C5: variants seen among roughly 807,000 people sequenced by gnomAD.
The protein encoded by C5 is complement C5.
In C5, 140 loss-of-function variants were observed where a neutral mutation model predicts 218.8. That is an observed-to-expected ratio of 0.64 (90% confidence interval 0.56 to 0.74). The LOEUF (loss-of-function observed/expected upper bound fraction) is 0.74. C5 is among the 30% of genes least tolerant of loss of function. The probability of loss-of-function intolerance (pLI) is 0.00; values close to 1 mark genes in which losing one functional copy is unlikely to be tolerated. For missense variants in C5, 1,700 were observed against 1,969.6 expected (o/e 0.86, Z 2.59); for synonymous variants, 614 against 682.3 (o/e 0.90, Z 1.56).
chr9:120,976,958 A>AT, intron 28 of C5, 53 bp from the exon 29 acceptor site: 1 of 1,485,110 alleles, frequency 6.7e-7, no homozygotes, highest in Non-Finnish European at 9.4e-7. Flanking sequence ...TGAATTTGAC[A>AT]TAATAATTCT....
chr9:120,970,129 A>AT (rs772271040), intron 32 of C5, 41 bp downstream of exon 32: 2 of 1,402,834 alleles, frequency 1.4e-6, no homozygotes, highest in African/African-American at 2.8e-5. Flanking sequence ...CACATGCTTT[A>AT]TTTTTAGCCA....
intron 2 of C5, among the ~76,000 whole-genome samples, chr9:121,045,175 T>C (rs1005775422): frequency 1.3e-5 from 2 of 152,138 alleles, no homozygotes; most frequent in African/African-American, 4.8e-5. Flanking sequence ...TGTTAAGAGA[T>C]ATGAGCATTT....
chr9:120,989,218 G>C, intron 24 of C5, 97 bp from the exon 25 acceptor site: 1 of 947,874 alleles, frequency 1.1e-6, no homozygotes, highest in Admixed American at 1.8e-5. Flanking sequence ...GCTTCCTTTG[G>C]TGTTGGGCAG....
intron 1 of C5, among the ~76,000 whole-genome samples, chr9:121,049,301 T>G (rs1287706244): frequency 6.6e-6 from 1 of 152,166 alleles, no homozygotes; most frequent in Non-Finnish European, 1.5e-5. Flanking sequence ...CAATTTGAAG[T>G]CACTTAATTT....
rs10985110 is a variant in C5 at position 120,967,723 on chromosome 9, C to T, written c.4220+1338G>A. Reference sequence around the variant, plus strand: ...AATACCTACATATTCTTTTCTTTTTCTTTTTTTTTTTATTTGGAGACAAGG... The same window carrying T: ...AATACCTACATATTCTTTTCTTTTTTTTTTTTTTTTTATTTGGAGACAAGG... On this transcript the variant is annotated intron_variant, in intron 33 of 40. Coordinates refer to ENST00000223642, the MANE Select transcript of C5 (RefSeq NM_001735.3). Among the ~76,000 whole-genome samples, 13 of 145,240 alleles carry T rather than the reference C, an allele frequency of 9.0e-5. No individual in the cohort carries two copies. In the South Asian group the frequency reaches 2.6e-3, roughly 29 times the overall value.
chr9:121,029,727 G>T (rs4837807), intron 7 of C5, among the ~76,000 whole-genome samples: 78,487 of 152,030 alleles, frequency 0.52, 22,598 homozygotes, highest in South Asian at 0.8. Flanking sequence ...TTGGACAAAA[G>T]AATGTGTGGA....
rs201361366 is a variant in C5 at position 120,965,521 on chromosome 9, A to AAAATAAAT, written c.4221-1791_4221-1784dup. Reference sequence around the variant, plus strand: ...GGCAACTGAGCAAGACTCTGCCTCAAAAATAAATAAATAAATAAATAAATA... The same window carrying AAAATAAAT: ...GGCAACTGAGCAAGACTCTGCCTCAAAAATAAATAAATAAATAAATAAATAAATAAATA... On this transcript the variant is annotated intron_variant, in intron 33 of 40. Coordinates refer to ENST00000223642, the MANE Select transcript of C5 (RefSeq NM_001735.3). 5.9e-3 allele frequency among the ~76,000 whole-genome samples: 872 copies of AAAATAAAT among 147,092 alleles called. 4 individuals are homozygous for AAAATAAAT. Among genetic ancestry groups the AAAATAAAT allele is most frequent in the Middle Eastern group, 0.017 (5 of 294 alleles).
At chr9:121,007,166 A>G (rs1308625913) in intron 18 of C5, among the ~76,000 whole-genome samples, 189 bp from the exon 19 acceptor site, 1 of 152,236 alleles carries the variant, frequency 6.6e-6, no homozygotes, top group Non-Finnish European at 1.5e-5. Flanking sequence ...TATATATTGC[A>G]TGTTTTTAGA....
In C5 at chr9:120,971,972, G is replaced by T. The variant is rs2046917811; in HGVS notation, c.4038C>A (p.Leu1346=). Residue 1346 remains leucine, a synonymous_variant, in exon 31 of 41, where the codon CTC becomes CTA. Transcript: ENST00000223642. ...CACTGCCAAATCCTGTACTGACAATGAGGTCATCATTGAGAAGCACCTGGA... is the reference window on the plus strand; with the variant it reads ...CACTGCCAAATCCTGTACTGACAATTAGGTCATCATTGAGAAGCACCTGGA... The part of the protein sequence containing the change: ...RPVEVLLNDD[L]IVSTGFGSGL... The T allele has an allele frequency of 2.5e-6, 4 of 1,613,210 alleles. No homozygotes were observed. Among genetic ancestry groups the T allele is most frequent in the Non-Finnish European group, 3.4e-6 (4 of 1,179,484 alleles).
chr9:120,981,643 C>T (rs41311911), intron 27 of C5, among the ~76,000 whole-genome samples: 14,581 of 152,200 alleles, frequency 0.096, 776 homozygotes, highest in African/African-American at 0.14. Context: ...TTCTCAACTG[C>T]CGATGAGTAG....
chr9:120,981,805 A>G, intron 27 of C5, 39 bp downstream of exon 27: 1 of 1,386,680 alleles, frequency 7.2e-7, no homozygotes. Flanking sequence ...TAGTACAGAA[A>G]TAGATGATGG....
chr9:121,072,369 C>A, the C5 span, among the ~76,000 whole-genome samples: 2 of 152,172 alleles, frequency 1.3e-5, no homozygotes, highest in African/African-American at 4.8e-5. Flanking sequence ...TTGAGGGACA[C>A]AGCAATGAGG....
rs1042273086 is a variant in C5 at position 120,952,414 on chromosome 9, A to G, written c.*325T>C. The G allele has an allele frequency of 1.6e-5, 5 of 321,736 alleles. No homozygotes were observed. The East Asian group carries it at 3.9e-4, about 25-fold the overall frequency. The allele number at this position is 321,736 out of a possible 1,614,324, so 19.9% of individuals were successfully genotyped here. ...TTCAAGCAAAGGCCATGTTTTTGTAATACTCCCTTTCAATGGACTGTTCTT... is the reference window on the plus strand; with the variant it reads ...TTCAAGCAAAGGCCATGTTTTTGTAGTACTCCCTTTCAATGGACTGTTCTT... On this transcript the variant is annotated 3_prime_UTR_variant, in exon 41 of 41. Transcript: ENST00000223642.
intron 20 of C5, among the ~76,000 whole-genome samples, chr9:121,005,314 A>T (rs142633944): frequency 1.3e-3 from 196 of 152,294 alleles, no homozygotes; most frequent in Non-Finnish European, 2.2e-3. Flanking sequence ...GGTTTTAATG[A>T]TGGCTGGTGA....
chr9:121,064,515 A>G, the C5 span, among the ~76,000 whole-genome samples: 13 of 152,334 alleles, frequency 8.5e-5, no homozygotes, highest in African/African-American at 3.1e-4. Context: ...CATATGTGAT[A>G]GAATCTGATA....
At chr9:121,019,242 C>G (rs976520389) in intron 12 of C5, among the ~76,000 whole-genome samples, 2 of 152,138 alleles carry the variant, frequency 1.3e-5, no homozygotes, top group South Asian at 2.1e-4. Context: ...AGTCCATAAA[C>G]AGTTTCCCTT....
chr9:121,023,314 ACATT>A, intron 10 of C5, 86 bp downstream of exon 10: 1 of 857,388 alleles, frequency 1.2e-6, no homozygotes, highest in Non-Finnish European at 2.0e-6. Flanking sequence ...CTTCATGGCA[ACATT>A]CTTACCCTGT....
In C5 at chr9:121,050,179, T is replaced by G. The variant is rs748689283; in HGVS notation, c.65+3A>C. ...AAAAATGAAGATAGCTTGTTTTACT[T>G]ACGTTTGCTCCTGTCCCCAGGTTTT... On this transcript the variant is annotated splice_donor_region_variant and intron_variant, in intron 1 of 40. Coordinates refer to ENST00000223642, the MANE Select transcript of C5 (RefSeq NM_001735.3). 6.2e-7 allele frequency: 1 copy of G among 1,608,730 alleles called. No individual in the cohort carries two copies. Among genetic ancestry groups the G allele is most frequent in the East Asian group, 2.2e-5 (1 of 44,838 alleles).
chr9:121,074,574 G>GGGGGAGGCC, the C5 span, among the ~76,000 whole-genome samples: 1 of 152,220 alleles, frequency 6.6e-6, no homozygotes, highest in African/African-American at 2.4e-5. Context: ...CATCAGAAGT[G>GGGGGAGGCC]GGGGAGGCCG....
Sources: gnomAD v4.1 joint callset for allele counts (sites outside exome capture counted in the v4.1 genomes callset) on GRCh38, gnomAD v4.1.1 for gene constraint, MANE v1.5 for transcripts, NCBI Gene and HGNC (gene_info 2026-07-23, HGNC 2026-07-21) for gene names.